CHODL: variants seen among roughly 807,000 people sequenced by gnomAD.
CHODL encodes chondrolectin.
Under a neutral mutation model 34.5 loss-of-function variants are expected in CHODL, and 29 were observed. The ratio of observed to expected loss-of-function variants is 0.84; its 90% CI spans 0.63 to 1.15. The LOEUF (loss-of-function observed/expected upper bound fraction) is 1.15, where lower values mean the gene tolerates loss of function less well. Ranked by LOEUF, CHODL falls within the 50% of genes most tolerant of loss-of-function variation. CHODL has a pLI of 0.00. For missense variants in CHODL, 332 were observed against 332.5 expected (o/e 1.00, Z 0.01); for synonymous variants, 125 against 116.1 (o/e 1.08, Z -0.49).
intron 2 of CHODL, among the ~76,000 whole-genome samples, chr21:18,115,424 A>G (rs941917282): frequency 1.1e-4 from 17 of 152,202 alleles, no homozygotes; most frequent in African/African-American, 3.6e-4. Flanking sequence ...CCACAAAGCT[A>G]TGGCAGACTT....
chr21:18,216,048 C>T (rs1242347711), intron 2 of CHODL, among the ~76,000 whole-genome samples: 2 of 152,066 alleles, frequency 1.3e-5, no homozygotes, highest in Non-Finnish European at 2.9e-5. Flanking sequence ...GCAAAATATA[C>T]ATTTACATTA....
intron 2 of CHODL, among the ~76,000 whole-genome samples, chr21:18,128,429 G>A (rs1011770122): frequency 6.6e-6 from 1 of 150,444 alleles, no homozygotes; most frequent in Non-Finnish European, 1.5e-5. Flanking sequence ...CAAATTGTTG[G>A]AAGTCAAAGC....
chr21:18,257,669 T>A (rs1266009442), intron 3 of CHODL, among the ~76,000 whole-genome samples: 1 of 152,190 alleles, frequency 6.6e-6, no homozygotes, highest in African/African-American at 2.4e-5. Context: ...TGTGACTCGT[T>A]CTCCCTATGA....
rs1340324933 is a variant in CHODL at position 18,059,114 on chromosome 21, G to C, written c.-45+31143G>C. The stretch of plus-strand genomic sequence containing the variant: ...ATTAAGGTTAAATGAGGTTTTAAGA[G>C]TGAGATCATGATCTGATAGGATTGG... On this transcript the variant is annotated intron_variant, in intron 2 of 6. Coordinates refer to the CHODL transcript ENST00000400127. 2.0e-5 allele frequency among the ~76,000 whole-genome samples: 3 copies of C among 152,292 alleles called. No individual in the cohort carries two copies. The East Asian group carries it at 5.8e-4, about 29-fold the overall frequency.
intron 2 of CHODL, among the ~76,000 whole-genome samples, chr21:18,160,153 C>T (rs533184159): frequency 3.3e-4 from 50 of 152,130 alleles, no homozygotes; most frequent in South Asian, 1.0e-3. Context: ...CTATCATTTT[C>T]TTTAAATCAC....
intron 1 of CHODL, among the ~76,000 whole-genome samples, chr21:18,016,359 G>A (rs1480180609): frequency 6.6e-6 from 1 of 152,252 alleles, no homozygotes; most frequent in Non-Finnish European, 1.5e-5. Context: ...TGGCTTCCAT[G>A]TGGTATTGGT....
intron 2 of CHODL, among the ~76,000 whole-genome samples, chr21:18,159,632 C>G (rs1321774279): frequency 6.6e-6 from 1 of 152,178 alleles, no homozygotes; most frequent in Admixed American, 6.5e-5. Flanking sequence ...TGCCCATGCC[C>G]TAATCCTCAG....
rs1375050241 is a variant in CHODL, at chr21:17,977,715, G to A, written c.-144-50157G>A. Among the ~76,000 whole-genome samples, 7 of 146,550 alleles carry A rather than the reference G, an allele frequency of 4.8e-5. 1 individual carries two copies. The highest frequency in any genetic ancestry group is 6.8e-5 in the Admixed American group (1 of 14,812). On this transcript the variant is annotated intron_variant, in intron 1 of 6. Coordinates refer to the CHODL transcript ENST00000400127. ...AGGCGAATCCCGAGGTCAAGAGATC[G>A]AGACCATCCTGGCCAACATGGTGAA...
chr21:18,091,547 T>C (rs2065073775), intron 2 of CHODL, among the ~76,000 whole-genome samples: 1 of 152,168 alleles, frequency 6.6e-6, no homozygotes, highest in African/African-American at 2.4e-5. Context: ...GATAGGGCAC[T>C]GAGCAGACTC....
chr21:17,925,927 C>T (rs545659059), intron 1 of CHODL, among the ~76,000 whole-genome samples: 1 of 152,200 alleles, frequency 6.6e-6, no homozygotes, highest in African/African-American at 2.4e-5. Context: ...TTTGTTTACT[C>T]ATGAGGATAT....
At chr21:18,074,923 C>T (rs547343112) in intron 2 of CHODL, among the ~76,000 whole-genome samples, 4 of 152,134 alleles carry the variant, frequency 2.6e-5, no homozygotes, top group East Asian at 3.9e-4. Flanking sequence ...CCAGATGTAA[C>T]GAAGGATGTC....
intron 1 of CHODL, among the ~76,000 whole-genome samples, chr21:18,010,312 AAAAAAAAAAAG>A (rs1468821014): frequency 4.1e-5 from 6 of 145,734 alleles, no homozygotes; most frequent in African/African-American, 1.6e-4. Flanking sequence ...AAAAAAAAAA[AAAAAAAAAAAG>A]AAGAAAAAGG....
intron 1 of CHODL, among the ~76,000 whole-genome samples, chr21:17,990,229 A>G (rs1210979952): frequency 2.6e-5 from 4 of 152,054 alleles, no homozygotes; most frequent in East Asian, 1.9e-4. Flanking sequence ...CTGTATATAT[A>G]TCTCCTCTCT....
At chr21:18,121,965 G>T (rs780620517) in intron 2 of CHODL, among the ~76,000 whole-genome samples, 1 of 151,996 alleles carries the variant, frequency 6.6e-6, no homozygotes, top group Non-Finnish European at 1.5e-5. Context: ...TCAGTGCCAG[G>T]CACTTTGTAA....
intron 1 of CHODL, among the ~76,000 whole-genome samples, chr21:18,255,400 G>C (rs991229181): frequency 6.6e-6 from 1 of 152,016 alleles, no homozygotes; most frequent in Non-Finnish European, 1.5e-5. Context: ...CATTTCTAAG[G>C]TTAAATTAGA....
chr21:17,947,925 G>A (rs1391783513), intron 1 of CHODL, among the ~76,000 whole-genome samples: 1 of 152,122 alleles, frequency 6.6e-6, no homozygotes, highest in Admixed American at 6.6e-5. Flanking sequence ...CAGATGATTG[G>A]ATAAAGAAAA....
chr21:17,943,101 C>T (rs1474817457), intron 1 of CHODL, among the ~76,000 whole-genome samples: 3 of 152,116 alleles, frequency 2.0e-5, no homozygotes, highest in Non-Finnish European at 2.9e-5. Context: ...ATAAATTACC[C>T]AGTTTCATTT....
chr21:18,146,242 G>T (rs1360732166), intron 2 of CHODL, among the ~76,000 whole-genome samples: 2 of 151,822 alleles, frequency 1.3e-5, no homozygotes, highest in East Asian at 1.9e-4. Flanking sequence ...CTCCCAAAGT[G>T]CTGGGATTAC....
intron 2 of CHODL, among the ~76,000 whole-genome samples, chr21:18,030,831 T>G (rs1044846136): frequency 6.6e-6 from 1 of 152,114 alleles, no homozygotes; most frequent in Non-Finnish European, 1.5e-5. Context: ...GTAAATCCAG[T>G]GTTTGCTACC....
Sources: gnomAD v4.1 joint callset for allele counts (sites outside exome capture counted in the v4.1 genomes callset) on GRCh38, gnomAD v4.1.1 for gene constraint, MANE v1.5 for transcripts, NCBI Gene and HGNC (gene_info 2026-07-23, HGNC 2026-07-21) for gene names.